Variants in DST observed in about 807,000 individuals in gnomAD.
The protein encoded by DST is bullous pemphigoid antigen.
In DST, 253 loss-of-function variants were observed where a neutral mutation model predicts 875.2. The ratio of observed to expected loss-of-function variants is 0.29; its 90% confidence interval spans 0.26 to 0.32. The LOEUF (loss-of-function observed/expected upper bound fraction) is 0.32, where lower values mean the gene tolerates loss of function less well. Ranked by LOEUF, DST falls within the 10% of genes least tolerant of loss-of-function variation. DST has a pLI of 1.00. For missense variants in DST, 8,287 were observed against 9,111.6 expected (o/e 0.91, Z 3.68); for synonymous variants, 3,124 against 3,197.1 (o/e 0.98, Z 0.77).
intron 89 of DST, 46 bp from the exon 90 acceptor site, chr6:56,482,224 T>G: frequency 6.3e-7 from 1 of 1,575,562 alleles, no homozygotes; most frequent in South Asian, 1.2e-5. Flanking sequence ...TTCCCAAATA[T>G]GCCTGTTAGC....
rs1202873676 is a variant in DST at position 56,501,165 on chromosome 6, A to C, written c.19811T>G (p.Leu6604Arg). ...ACTTAGCAAGCCCTCGGTGTGTGTC[A>C]GCCATGCCAGGAGCTCATCCAGGGC... ...QHALDELLAW[L>R]THTEGLLSEQ... is the part of the protein sequence containing the mutation. The change falls in exon 80 of 104, where the codon CTG (leucine) becomes CGG (arginine). Residue 6604 changes from leucine to arginine, a missense_variant. By Grantham distance (102) the Leu-to-Arg change is moderately radical. This residue lies in a region of DST where 1,292 missense variants were observed against 1,552.7 expected (regional missense o/e 0.83). Transcript: ENST00000680361. 6.2e-7 allele frequency: 1 copy of C among 1,612,564 alleles called. No individual in the cohort carries two copies. Among genetic ancestry groups the C allele is most frequent in the Admixed American group, 1.7e-5 (1 of 59,782 alleles).
chr6:56,670,064 AGT>A (rs2099092376), intron 10 of DST, among the ~76,000 whole-genome samples: 1 of 151,980 alleles, frequency 6.6e-6, no homozygotes, highest in Non-Finnish European at 1.5e-5. Context: ...GCAAAATCAA[AGT>A]CTGCTATCTG....
At chr6:56,692,436 G>C in intron 9 of DST, 2 of 1,289,334 alleles carry the variant, frequency 1.6e-6, no homozygotes, top group Non-Finnish European at 2.0e-6. Context: ...TAGTATAAAG[G>C]GAATGGCATC....
At chr6:56,721,578 G>T (rs1300376778) in intron 5 of DST, among the ~76,000 whole-genome samples, 1 of 152,158 alleles carries the variant, frequency 6.6e-6, no homozygotes, top group Non-Finnish European at 1.5e-5. Context: ...CTCCGTTTGG[G>T]GTCCCTGACT....
Position 56,639,438 on chromosome 6 carries a change from G to T in DST, c.2859+12C>A. On this transcript the variant is annotated intron_variant, in intron 21 of 103. Coordinates refer to ENST00000680361, the MANE Select transcript of DST (RefSeq NM_001374736.1). ...TGCAACCCTAGTATGCAAGTACAAA[G>T]GGTGTACTTACAGCATGATAATCTT... The T allele has an allele frequency of 6.2e-7, 1 of 1,613,354 alleles. No homozygotes were observed. The highest frequency in any genetic ancestry group is 1.1e-5 in the South Asian group (1 of 91,062).
Position 56,611,613 on chromosome 6 carries a change from GCA to G in DST, c.5059-19_5059-18del, listed in dbSNP as rs1563181836. ...ACTGGAAATCTGTAAGGTAAAGAAGGCACATTCAAACTCTTCCTCCAAAAGGA... is the reference window on the plus strand; with the variant it reads ...ACTGGAAATCTGTAAGGTAAAGAAGGCATTCAAACTCTTCCTCCAAAAGGA... On this transcript the variant is annotated intron_variant, in intron 37 of 103. Coordinates refer to ENST00000680361, the MANE Select transcript of DST (RefSeq NM_001374736.1). 6.5e-7 allele frequency: 1 copy of G among 1,547,898 alleles called. No homozygotes were observed. Among genetic ancestry groups the G allele is most frequent in the Non-Finnish European group, 8.9e-7 (1 of 1,123,804 alleles).
Position 56,703,742 on chromosome 6 carries a change from C to T in DST, c.782G>A (p.Arg261Lys), listed in dbSNP as rs1392342861. The change falls in exon 7 of 104, where the codon AGG becomes AAG. Residue 261 changes from arginine (R) to lysine (K), a missense_variant. Transcript: ENST00000680361. ...TAAGGTCTTCAAAAAATCTCGCTCC[C>T]TTGGCTAATGAATATAACAGACAGA... ...LEVLSGDTLP[R>K]ERDFLKTLRL... is the part of the protein sequence containing the mutation. 1.0e-6 allele frequency: 1 copy of T among 983,272 alleles called. No individual in the cohort carries two copies. 60.9% of individuals were successfully genotyped at this position (983,272 alleles called of 1,614,324 possible).
At chr6:56,741,218 A>C (rs1265554011) in intron 4 of DST, among the ~76,000 whole-genome samples, 3 of 152,224 alleles carry the variant, frequency 2.0e-5, no homozygotes, top group South Asian at 4.1e-4. Flanking sequence ...CTTTTGATCA[A>C]TGAGGTTTTG....
At position 56,587,099 on chromosome 6, in the gene DST, G is replaced by A. The variant is rs1378736576; in HGVS notation, c.12903+5083C>T. Among the ~76,000 whole-genome samples, 29 of 152,238 alleles carry A rather than the reference G, an allele frequency of 1.9e-4. 1 individual carries two copies. The South Asian group carries it at 3.9e-3, about 21-fold the overall frequency. ...GAGTTGAGAGAAGAAGGCTTCAGAC[G>A]ATCAAACTACTCCGAGCTACAGGAG... is the stretch of plus-strand genomic sequence containing the variant. On this transcript the variant is annotated intron_variant, in intron 49 of 103. Coordinates refer to ENST00000680361, the MANE Select transcript of DST (RefSeq NM_001374736.1).
At chr6:56,665,260 A>C (rs1415007911) in intron 10 of DST, among the ~76,000 whole-genome samples, 1 of 152,226 alleles carries the variant, frequency 6.6e-6, no homozygotes, top group Admixed American at 6.5e-5. Context: ...AAACAACTTC[A>C]TTAAACCCTC....
intron 55 of DST, among the ~76,000 whole-genome samples, chr6:56,563,620 T>G (rs2097583006): frequency 1.3e-5 from 2 of 152,208 alleles, no homozygotes; most frequent in African/African-American, 4.8e-5. Flanking sequence ...TTGTTGCCAT[T>G]GCTTTTGGTG....
intron 4 of DST, among the ~76,000 whole-genome samples, chr6:56,839,306 A>G (rs2099797224): frequency 6.6e-6 from 1 of 152,224 alleles, no homozygotes; most frequent in Non-Finnish European, 1.5e-5. Flanking sequence ...ACCTAAGAAA[A>G]AGAAAACACC....
Position 56,606,951 on chromosome 6 carries a change from A to T in DST, c.7677T>A (p.Cys2559Ter). Residue 2559 changes from cysteine to a stop codon, truncating the protein, a stop_gained, in exon 40 of 104, where the codon TGT becomes TGA. Transcript: ENST00000680361. LOFTEE classifies it high-confidence loss of function. ...CAGTATCACCCCCTGGAGTCACAGC[A>T]CAGGAATACTCTTCTATTTCAGACT... ...EDESEIEEYS[C>*]AVTPGGDTDN... 6.2e-7 allele frequency: 1 copy of T among 1,613,450 alleles called. No homozygotes were observed. Among genetic ancestry groups the T allele is most frequent in the Non-Finnish European group, 8.5e-7 (1 of 1,179,554 alleles).
At chr6:56,825,038 C>T (rs895234656) in intron 4 of DST, among the ~76,000 whole-genome samples, 9 of 152,024 alleles carry the variant, frequency 5.9e-5, no homozygotes, top group Non-Finnish European at 1.2e-4. Flanking sequence ...ATGACAATGG[C>T]GGTTTTGTGG....
rs1177686756 is a variant in DST, at chr6:56,668,947, A to AT, written c.1214+1693dup. ...AGAGGAAAGAGAGGAAGAGAACGGG[A>AT]TGTCAAATCAAACAGAGCTGGTTTT... is the stretch of plus-strand genomic sequence containing the variant. On this transcript the variant is annotated intron_variant, in intron 10 of 103. Transcript: ENST00000680361. Among the ~76,000 whole-genome samples the AT allele has an allele frequency of 6.6e-5, 10 of 152,220 alleles. No homozygotes were observed. The East Asian group carries it at 1.9e-3, about 29-fold the overall frequency.
chr6:56,810,340 A>G (rs2099758408), intron 4 of DST, among the ~76,000 whole-genome samples: 1 of 152,162 alleles, frequency 6.6e-6, no homozygotes, highest in South Asian at 2.1e-4. Context: ...ATCTACACAC[A>G]ACATGATACC....
At chr6:56,872,104 C>CACA (rs1777474521) in intron 3 of DST, among the ~76,000 whole-genome samples, 2 of 152,184 alleles carry the variant, frequency 1.3e-5, no homozygotes, top group Middle Eastern at 3.4e-3. Context: ...TGCACATGAA[C>CACA]AGTAAGAGGC....
chr6:56,605,650 G>A lies in DST; in HGVS notation c.8978C>T (p.Ser2993Phe). The change falls in exon 40 of 104, where the codon TCT becomes TTT. Residue 2993 changes from serine to phenylalanine, a missense_variant. Around this residue, in one of 10 missense-constraint regions of DST, gnomAD observed 3,138 missense variants for 3,116.6 expected, o/e 1.01. Coordinates refer to ENST00000680361, the MANE Select transcript of DST (RefSeq NM_001374736.1). ...FKNMTPKVDS[S>F]LDHIICTEPD... ...CTCAGTACAAATGATGTGATCAAGA[G>A]ATGAGTCAACTTTTGGTGTCATATT... The A allele has an allele frequency of 6.2e-7, 1 of 1,612,926 alleles. No homozygotes were observed. The highest frequency in any genetic ancestry group is 8.5e-7 in the Non-Finnish European group (1 of 1,179,316).
In DST at chr6:56,920,895, A is replaced by ATTTT. The variant is rs35394550; in HGVS notation, c.217-20278_217-20275dup. Among the ~76,000 whole-genome samples, 86 of 59,686 alleles carry ATTTT rather than the reference A, an allele frequency of 1.4e-3. 8 individuals are homozygous for ATTTT. Among genetic ancestry groups the ATTTT allele is most frequent in the African/African-American group, 5.2e-3 (79 of 15,108 alleles). The allele number at this position is 59,686 out of a possible 152,430, so 39.2% of individuals were successfully genotyped here. Reference sequence around the variant, plus strand: ...AGGAACACACAACCACGCCCAGCTAATTTTTTTTTTTTTTTTTTTTTTTTT... The same window carrying ATTTT: ...AGGAACACACAACCACGCCCAGCTAATTTTTTTTTTTTTTTTTTTTTTTTTTTTT... On this transcript the variant is annotated intron_variant, in intron 2 of 103. Coordinates refer to ENST00000680361, the MANE Select transcript of DST (RefSeq NM_001374736.1).
Sources: gnomAD v4.1 joint callset for allele counts (sites outside exome capture counted in the v4.1 genomes callset) on GRCh38, gnomAD v4.1.1 for gene constraint, gnomAD v4.1.1 regional missense constraint, MANE v1.5 for transcripts, NCBI Gene and HGNC (gene_info 2026-07-23, HGNC 2026-07-21) for gene names.